ARL13B: variants seen among roughly 807,000 people sequenced by gnomAD.
ARL13B encodes the protein ADP-ribosylation factor-like protein 13B.
In ARL13B, 36 loss-of-function variants were observed where a neutral mutation model predicts 56.1. That is an observed-to-expected ratio of 0.64 (90% CI 0.49 to 0.85). The LOEUF (loss-of-function observed/expected upper bound fraction) is 0.85, where lower values mean the gene tolerates loss of function less well. Ranked by LOEUF, ARL13B falls within the 40% of genes least tolerant of loss-of-function variation. ARL13B has a pLI of 0.00. For synonymous variants in ARL13B, 178 were observed against 171.1 expected (o/e 1.04, Z -0.32); for missense variants, 519 against 507.1 (o/e 1.02, Z -0.23).
At chr3:94,029,723 A>G (rs2076641193) in intron 3 of ARL13B, among the ~76,000 whole-genome samples, 3 of 151,984 alleles carry the variant, frequency 2.0e-5, no homozygotes, top group African/African-American at 7.2e-5. Flanking sequence ...TCCTTTACAC[A>G]CCTACTTTTT....
chr3:94,049,503 A>ACCC lies in ARL13B; in HGVS notation c.1125_1127dup (p.Pro380dup). 1 of 1,319,460 alleles carries ACCC rather than the reference A, an allele frequency of 7.6e-7. No individual in the cohort carries two copies. The allele number at this position is 1,319,460 out of a possible 1,614,324, so 81.7% of individuals were successfully genotyped here. ...ACTGTGCTCCTGAGAGTCCAACGCC[A>ACCC]CCCCCACCCCCTCCTCCTGGTGAGT... On this transcript the variant is annotated inframe_insertion, in exon 8 of 10. Coordinates refer to ENST00000394222, the MANE Select transcript of ARL13B (RefSeq NM_001174150.2).
chr3:94,031,127 G>C (rs534311424), intron 3 of ARL13B, among the ~76,000 whole-genome samples: 19 of 152,294 alleles, frequency 1.2e-4, no homozygotes, highest in African/African-American at 4.3e-4. Context: ...GGGAGGTAGA[G>C]GCTGTAGTGA....
chr3:94,009,063 A>G (rs992769627), intron 3 of ARL13B, among the ~76,000 whole-genome samples: 4 of 144,270 alleles, frequency 2.8e-5, no homozygotes, highest in African/African-American at 5.1e-5. Flanking sequence ...CCTGCTCCTC[A>G]AGGAGCAGTA....
At chr3:94,053,064 A>C (rs2077091456) in intron 9 of ARL13B, 123 bp from the exon 10 acceptor site, 1 of 797,878 alleles carries the variant, frequency 1.3e-6, no homozygotes, top group Admixed American at 2.1e-5. Flanking sequence ...GCATGTCAAG[A>C]TTCTGTAAGT....
chr3:94,012,198 G>A (rs1172228384), intron 3 of ARL13B, among the ~76,000 whole-genome samples: 1 of 151,878 alleles, frequency 6.6e-6, no homozygotes, highest in Non-Finnish European at 1.5e-5. Context: ...ACCTTACATA[G>A]CATTTATTTA....
At chr3:94,020,187 G>A (rs557912135) in intron 3 of ARL13B, among the ~76,000 whole-genome samples, 113 of 152,200 alleles carry the variant, frequency 7.4e-4, no homozygotes, top group African/African-American at 2.7e-3. Context: ...TTCTTTCCCA[G>A]CACCTTGATG....
intron 2 of ARL13B, among the ~76,000 whole-genome samples, chr3:94,002,189 T>C (rs975977466): frequency 6.6e-6 from 1 of 152,136 alleles, no homozygotes; most frequent in African/African-American, 2.4e-5. Flanking sequence ...CTTTCTGCAA[T>C]GATGGAAATG....
chr3:94,011,151 A>G (rs2076218080), intron 3 of ARL13B, among the ~76,000 whole-genome samples: 1 of 152,170 alleles, frequency 6.6e-6, no homozygotes, highest in Admixed American at 6.5e-5. Flanking sequence ...TTTATGAAAT[A>G]CATATTTTAC....
At chr3:94,009,506 C>G (rs375540208) in intron 3 of ARL13B, among the ~76,000 whole-genome samples, 1 of 152,130 alleles carries the variant, frequency 6.6e-6, no homozygotes, top group South Asian at 2.1e-4. Context: ...ATCAAACATA[C>G]TTTTAGTATG....
chr3:94,018,814 G>A (rs1428006229), intron 3 of ARL13B, among the ~76,000 whole-genome samples: 5 of 152,086 alleles, frequency 3.3e-5, no homozygotes, highest in East Asian at 1.9e-4. Flanking sequence ...CCCCTAGGCC[G>A]GAGTGCAGTG....
rs960638112 is a variant in ARL13B, at chr3:94,050,918, A to C, written c.1210+26A>C. The stretch of plus-strand genomic sequence containing the variant: ...GTAATGCAAAAGGATTGGTTTTCAG[A>C]TATCATCTGTACATGTCACATTCAC... On this transcript the variant is annotated intron_variant, in intron 9 of 9. Coordinates refer to ENST00000394222, the MANE Select transcript of ARL13B (RefSeq NM_001174150.2). 3.1e-6 allele frequency: 5 copies of C among 1,602,346 alleles called. No homozygotes were observed. The African/African-American group carries it at 4.0e-5, about 13-fold the overall frequency.
chr3:93,996,674 A>G, intron 2 of ARL13B: 1 of 420,980 alleles, frequency 2.4e-6, no homozygotes, highest in Non-Finnish European at 4.8e-6. Flanking sequence ...CACCACGCCC[A>G]GCCCGGCCAG....
chr3:94,036,948 A>G (rs562919010), intron 5 of ARL13B, among the ~76,000 whole-genome samples, 194 bp downstream of exon 5: 116 of 152,258 alleles, frequency 7.6e-4, no homozygotes, highest in African/African-American at 2.7e-3. Context: ...TGGTGGTTGT[A>G]TAATAGTTAA....
chr3:94,038,799 G>A (rs1284690085), intron 5 of ARL13B, among the ~76,000 whole-genome samples: 1 of 151,934 alleles, frequency 6.6e-6, no homozygotes, highest in Non-Finnish European at 1.5e-5. Flanking sequence ...GGGATTACAG[G>A]CGTGAGCCAC....
intron 3 of ARL13B, chr3:94,015,273 C>T: frequency 6.6e-7 from 1 of 1,524,408 alleles, no homozygotes; most frequent in Non-Finnish European, 8.7e-7. Context: ...CTTTCATCTT[C>T]CCTTTCCTCC....
At chr3:93,991,225 T>C (rs1354973722) in intron 1 of ARL13B, among the ~76,000 whole-genome samples, 3 of 152,192 alleles carry the variant, frequency 2.0e-5, no homozygotes, top group East Asian at 1.9e-4. Flanking sequence ...GTATATTATT[T>C]TTTCAATTTG....
intron 1 of ARL13B, among the ~76,000 whole-genome samples, chr3:93,987,751 C>T (rs1430950599): frequency 1.3e-5 from 2 of 152,026 alleles, no homozygotes; most frequent in Non-Finnish European, 1.5e-5. Context: ...CGGGCTCAAC[C>T]GATCCTCCCA....
chr3:94,055,185 T>C lies in ARL13B; in HGVS notation c.*1922T>C, dbSNP rs546356317. 14 of 374,466 alleles carry C rather than the reference T, an allele frequency of 3.7e-5. No individual in the cohort carries two copies. The highest frequency in any genetic ancestry group is 2.9e-4 in the South Asian group (14 of 47,472). The allele number at this position is 374,466 out of a possible 1,614,324, so 23.2% of individuals were successfully genotyped here. A position where few individuals can be genotyped will look rare whatever the true frequency, so the allele number is the denominator to read the frequency against. ...AAAATGTTTTGTAAATCCAGGTGTA[T>C]TTTAACAATTAAATGCCTATTTTGT... On this transcript the variant is annotated 3_prime_UTR_variant, in exon 10 of 10. Transcript: ENST00000394222.
intron 3 of ARL13B, among the ~76,000 whole-genome samples, chr3:94,033,005 G>C (rs1354462656): frequency 6.6e-6 from 1 of 152,172 alleles, no homozygotes; most frequent in Non-Finnish European, 1.5e-5. Context: ...GTTTGTGTGT[G>C]TGTTTTGTAT....
Sources: gnomAD v4.1 joint callset for allele counts (sites outside exome capture counted in the v4.1 genomes callset) on GRCh38, gnomAD v4.1.1 for gene constraint, MANE v1.5 for transcripts, NCBI Gene and HGNC (gene_info 2026-07-23, HGNC 2026-07-21) for gene names.